Variants in ADAM2 observed in about 807,000 individuals in gnomAD.
ADAM2 encodes the protein ADAM metallopeptidase domain 2.
Under a neutral mutation model 99.3 loss-of-function variants are expected in ADAM2, and 101 were observed. The observed-to-expected ratio is 1.02, with a 90% CI of 0.87 to 1.20. The LOEUF is 1.20. ADAM2 is among the 50% of genes most tolerant of loss of function. The probability of loss-of-function intolerance (pLI) is 0.00; values close to 1 mark genes in which losing one functional copy is unlikely to be tolerated. For missense variants in ADAM2, 948 were observed against 878.7 expected (o/e 1.08, Z -1.00); for synonymous variants, 323 against 287.6 (o/e 1.12, Z -1.25).
chr8:39,744,183 G>A (rs180867976), intron 20 of ADAM2, 119 bp from the exon 21 acceptor site: 1 of 152,016 alleles, frequency 6.6e-6, no homozygotes. Context: ...TTTATTTTTA[G>A]CCAACATTTT....
chr8:39,830,878 A>G (rs1805588348), intron 3 of ADAM2, among the ~76,000 whole-genome samples: 1 of 152,166 alleles, frequency 6.6e-6, no homozygotes, highest in Non-Finnish European at 1.5e-5. Flanking sequence ...AGGAGGTGAT[A>G]CTTTAGAGAG....
intron 11 of ADAM2, among the ~76,000 whole-genome samples, chr8:39,772,209 G>C (rs1408473774): frequency 6.6e-6 from 1 of 151,104 alleles, no homozygotes; most frequent in African/African-American, 2.4e-5. Context: ...TTTGCTGGAT[G>C]CTTTCATTCT....
intron 15 of ADAM2, among the ~76,000 whole-genome samples, chr8:39,759,950 T>A (rs544339344): frequency 1.4e-3 from 206 of 152,272 alleles, no homozygotes; most frequent in African/African-American, 4.5e-3. Flanking sequence ...CACTGCAACC[T>A]CTGCCTCCCA....
chr8:39,777,234 A>C (rs1803028498), intron 10 of ADAM2, 73 bp from the exon 11 acceptor site: 2 of 1,245,480 alleles, frequency 1.6e-6, no homozygotes. Flanking sequence ...CAATTATTAA[A>C]GATCACATGA....
chr8:39,788,360 G>A (rs1006259122), intron 8 of ADAM2, 109 bp from the exon 9 acceptor site: 4 of 655,108 alleles, frequency 6.1e-6, no homozygotes, highest in Non-Finnish European at 4.7e-6. Context: ...TAAACTATAA[G>A]TCTGCATTTC....
chr8:39,765,873 T>C (rs1365606246), intron 14 of ADAM2, among the ~76,000 whole-genome samples: 1 of 152,222 alleles, frequency 6.6e-6, no homozygotes, highest in Non-Finnish European at 1.5e-5. Context: ...CTTGTTCCAG[T>C]TGAGAATAAA....
chr8:39,814,962 T>C (rs1225874215), intron 6 of ADAM2, among the ~76,000 whole-genome samples: 1 of 151,826 alleles, frequency 6.6e-6, no homozygotes, highest in Non-Finnish European at 1.5e-5. Context: ...TAAGAAAGAA[T>C]GAGAAGCAAG....
chr8:39,765,886 T>C (rs1802547336), intron 14 of ADAM2, among the ~76,000 whole-genome samples: 1 of 151,534 alleles, frequency 6.6e-6, no homozygotes, highest in African/African-American at 2.4e-5. Flanking sequence ...AGAATAAAGG[T>C]GACCACCTAT....
intron 7 of ADAM2, among the ~76,000 whole-genome samples, chr8:39,797,377 A>C: frequency 6.6e-6 from 1 of 151,870 alleles, no homozygotes; most frequent in Non-Finnish European, 1.5e-5. Flanking sequence ...AGAGTTATTT[A>C]TGAGGTCTCT....
chr8:39,791,332 C>T (rs193280485), intron 7 of ADAM2, among the ~76,000 whole-genome samples: 3 of 152,176 alleles, frequency 2.0e-5, no homozygotes, highest in East Asian at 1.9e-4. Flanking sequence ...TCTATTTTTG[C>T]ACTATTGCTG....
At chr8:39,757,716 G>A (rs1802203226) in intron 15 of ADAM2, among the ~76,000 whole-genome samples, 2 of 152,136 alleles carry the variant, frequency 1.3e-5, no homozygotes, top group Admixed American at 1.3e-4. Flanking sequence ...GTCCAGCTAT[G>A]TTAAATCCTT....
At chr8:39,747,900 C>A (rs1170012474) in intron 18 of ADAM2, among the ~76,000 whole-genome samples, 1 of 152,170 alleles carries the variant, frequency 6.6e-6, no homozygotes. Flanking sequence ...TAGTTTCCTG[C>A]CTTTCTGTCT....
intron 4 of ADAM2, among the ~76,000 whole-genome samples, chr8:39,822,706 C>T (rs928623049): frequency 6.6e-6 from 1 of 151,422 alleles, no homozygotes; most frequent in East Asian, 1.9e-4. Context: ...TCTTTCATTT[C>T]CGTCAATTAT....
chr8:39,837,337 A>C, intron 1 of ADAM2, 125 bp from the exon 2 acceptor site: 1 of 563,276 alleles, frequency 1.8e-6, no homozygotes, highest in Non-Finnish European at 2.9e-6. Context: ...TTATCTTCCC[A>C]TTTCTTTCTA....
chr8:39,809,520 T>C, intron 6 of ADAM2, 54 bp from the exon 7 acceptor site: 2 of 822,762 alleles, frequency 2.4e-6, no homozygotes, highest in South Asian at 1.5e-5. Context: ...TAAGTATTTT[T>C]AGTGCATGTC....
At chr8:39,769,019 T>C (rs1339497702) in intron 12 of ADAM2, among the ~76,000 whole-genome samples, 2 of 152,184 alleles carry the variant, frequency 1.3e-5, no homozygotes, top group African/African-American at 4.8e-5. Context: ...TAAAATGCTA[T>C]GGTGAGATTA....
chr8:39,827,803 TACA>T lies in ADAM2; in HGVS notation c.189-2909_189-2907del, dbSNP rs150614713. 3.8e-3 allele frequency among the ~76,000 whole-genome samples: 580 copies of T among 152,224 alleles called. 4 individuals carry two copies. The highest frequency in any genetic ancestry group is 0.037 in the Middle Eastern group (11 of 294). ...AGGAATAAGCTCTGGAGAGCTTTTG[TACA>T]ACAAGTTGACTGTAGTTAGTAATGT... On this transcript the variant is annotated intron_variant, in intron 3 of 20. Transcript: ENST00000265708.
At chr8:39,755,951 TA>T in intron 15 of ADAM2, 40 bp from the exon 16 acceptor site, 1 of 1,121,784 alleles carries the variant, frequency 8.9e-7, no homozygotes, top group Non-Finnish European at 1.3e-6. Flanking sequence ...AATTTTAATT[TA>T]GAGAAGTACA....
chr8:39,806,210 C>T (rs940004616), intron 7 of ADAM2, among the ~76,000 whole-genome samples: 21 of 151,646 alleles, frequency 1.4e-4, no homozygotes, highest in Non-Finnish European at 2.9e-5. Flanking sequence ...TAAGATATGC[C>T]AACCCAAGGA....
Sources: allele counts gnomAD v4.1 joint callset (sites outside exome capture counted in the v4.1 genomes callset), GRCh38; gene constraint gnomAD v4.1.1; transcripts MANE v1.5; gene names NCBI Gene and HGNC (gene_info 2026-07-23, HGNC 2026-07-21).